The following WWOX variants were observed in gnomAD, a reference collection of about 807,000 sequenced individuals.
WWOX encodes WW domain-containing oxidoreductase.
Under a neutral mutation model 46.2 loss-of-function variants are expected in WWOX, and 69 were observed. That is an observed-to-expected ratio of 1.49 (90% CI 1.23 to 1.82). The LOEUF is 1.82. Ranked by LOEUF, WWOX falls within the 40% of genes most tolerant of loss-of-function variation. The pLI is 0.00. For synonymous variants in WWOX, 359 were observed against 202.6 expected (o/e 1.77, Z -6.56); for missense variants, 919 against 542.6 (o/e 1.69, Z -6.89).
At chr16:78,145,136 C>T (rs1322592074) in intron 4 of WWOX, among the ~76,000 whole-genome samples, 1 of 152,126 alleles carries the variant, frequency 6.6e-6, no homozygotes, top group Non-Finnish European at 1.5e-5. Context: ...TTGGTTCCTT[C>T]TGAGGACTGG....
At chr16:78,321,381 CGTATATATATACGT>C (rs1350557006) in intron 5 of WWOX, among the ~76,000 whole-genome samples, 8 of 68,830 alleles carry the variant, frequency 1.2e-4, no homozygotes, top group Admixed American at 4.7e-4. Context: ...CGTATATATG[CGTATATATATACGT>C]ATATATACGT....
At chr16:78,860,075 T>C (rs2151190619) in intron 8 of WWOX, among the ~76,000 whole-genome samples, 1 of 152,330 alleles carries the variant, frequency 6.6e-6, no homozygotes, top group Middle Eastern at 3.4e-3. Flanking sequence ...AGCCGCATAT[T>C]AGCATTATGC....
At chr16:78,310,098 C>G (rs1029104610) in intron 5 of WWOX, among the ~76,000 whole-genome samples, 22 of 151,886 alleles carry the variant, frequency 1.4e-4, no homozygotes, top group Admixed American at 1.4e-3. Flanking sequence ...TTTCTATCAT[C>G]ATCCATAGCT....
intron 8 of WWOX, among the ~76,000 whole-genome samples, chr16:78,790,987 C>G (rs1227400655): frequency 2.1e-5 from 3 of 141,842 alleles, no homozygotes; most frequent in Non-Finnish European, 4.5e-5. Context: ...CCATTGCACT[C>G]CACCCTGGGT....
chr16:78,237,442 C>G (rs2037478992), intron 5 of WWOX: 1 of 152,148 alleles, frequency 6.6e-6, no homozygotes, highest in Non-Finnish European at 1.5e-5. Context: ...ACTTGAACAT[C>G]AAAGGCAAGT....
chr16:79,143,611 T>C (rs2050131311), intron 8 of WWOX, among the ~76,000 whole-genome samples: 1 of 152,180 alleles, frequency 6.6e-6, no homozygotes. Flanking sequence ...ATTATGATAA[T>C]AATATTGACA....
intron 8 of WWOX, among the ~76,000 whole-genome samples, chr16:79,089,576 C>G (rs977159406): frequency 1.8e-4 from 28 of 152,088 alleles, no homozygotes; most frequent in African/African-American, 6.8e-4. Context: ...ATGATCTGCC[C>G]GCCTCAAAGT....
chr16:78,908,795 G>C (rs767797286), intron 8 of WWOX, among the ~76,000 whole-genome samples: 19 of 152,184 alleles, frequency 1.2e-4, no homozygotes, highest in Non-Finnish European at 2.5e-4. Context: ...TTATTGACCT[G>C]GGTGGTGCCA....
At chr16:78,926,300 G>A (rs1242235454) in intron 8 of WWOX, among the ~76,000 whole-genome samples, 1 of 152,040 alleles carries the variant, frequency 6.6e-6, no homozygotes, top group Admixed American at 6.6e-5. Context: ...CTGAGCCCAG[G>A]AGGTGGAGAT....
intron 8 of WWOX, among the ~76,000 whole-genome samples, chr16:78,577,202 C>T (rs1047902170): frequency 1.3e-5 from 2 of 152,106 alleles, no homozygotes; most frequent in African/African-American, 2.4e-5. Flanking sequence ...ATAACCAAGC[C>T]CAGCTTCAGA....
chr16:79,097,947 G>T (rs552147017), intron 8 of WWOX, among the ~76,000 whole-genome samples: 2 of 152,282 alleles, frequency 1.3e-5, no homozygotes, highest in South Asian at 4.1e-4. Flanking sequence ...GTCCTGCCGG[G>T]TGACTAAGGC....
rs149669378 is a variant in WWOX, at chr16:78,290,812, G to A, written c.517-96048G>A. Among the ~76,000 whole-genome samples, 635 of 152,224 alleles carry A rather than the reference G, an allele frequency of 4.2e-3. 5 individuals are homozygous for A. The highest frequency in any genetic ancestry group is 9.8e-3 in the South Asian group (47 of 4,814). ...GCTTTTACAGCAGTACAAATTGTAC[G>A]TATACAAATGGTATGACTAGGTTCT... On this transcript the variant is annotated intron_variant, in intron 5 of 8. Coordinates refer to ENST00000566780, the MANE Select transcript of WWOX (RefSeq NM_016373.4).
intron 8 of WWOX, among the ~76,000 whole-genome samples, chr16:79,080,649 A>T (rs1223998074): frequency 6.6e-6 from 1 of 152,138 alleles, no homozygotes; most frequent in East Asian, 1.9e-4. Flanking sequence ...AGTCATCTGT[A>T]TCCGGCATCG....
At chr16:78,555,060 T>C (rs1359064138) in intron 8 of WWOX, among the ~76,000 whole-genome samples, 1 of 151,756 alleles carries the variant, frequency 6.6e-6, no homozygotes, top group East Asian at 1.9e-4. Context: ...GTGGAGACAT[T>C]GGTGGGGGCC....
At chr16:78,139,954 C>T (rs538349521) in intron 4 of WWOX, among the ~76,000 whole-genome samples, 1 of 152,144 alleles carries the variant, frequency 6.6e-6, no homozygotes, top group East Asian at 1.9e-4. Context: ...CTTCTGACCC[C>T]GTTGGACAAG....
intron 8 of WWOX, among the ~76,000 whole-genome samples, chr16:79,108,504 G>T (rs773867190): frequency 9.9e-5 from 15 of 152,258 alleles, no homozygotes; most frequent in Non-Finnish European, 2.1e-4. Context: ...TGTCCAGGCT[G>T]AGCTGTGCAG....
rs951476670 is a variant in WWOX at position 78,929,559 on chromosome 16, C to G, written c.1057-282049C>G. On this transcript the variant is annotated intron_variant, in intron 8 of 8. Coordinates refer to ENST00000566780, the MANE Select transcript of WWOX (RefSeq NM_016373.4). The stretch of plus-strand genomic sequence containing the variant: ...CGAGTGAGATGGCCATACCTTCAGT[C>G]ATTCTCCTCCCCAAATATTTATTGA... Among the ~76,000 whole-genome samples the G allele has an allele frequency of 5.3e-4, 81 of 152,196 alleles. No individual in the cohort carries two copies. The Middle Eastern group carries it at 0.01, about 19-fold the overall frequency.
rs1188468805 is a variant in WWOX at position 78,338,002 on chromosome 16, T to A, written c.517-48858T>A. Among the ~76,000 whole-genome samples the A allele has an allele frequency of 1.7e-5, 2 of 119,970 alleles. 1 individual carries two copies. Among genetic ancestry groups the A allele is most frequent in the Non-Finnish European group, 4.0e-5 (2 of 50,394 alleles). The allele number at this position is 119,970 out of a possible 152,430, so 78.7% of individuals were successfully genotyped here. A position where few individuals can be genotyped will look rare whatever the true frequency, so the allele number is the denominator to read the frequency against. The stretch of plus-strand genomic sequence containing the variant: ...TCAGGTCACTTGGCAACCAAGCTGA[T>A]GAGGATAGCAGTTTCTTTTGTTCTT... On this transcript the variant is annotated intron_variant, in intron 5 of 8. Transcript: ENST00000566780.
At chr16:78,446,995 C>A (rs2083575595) in intron 8 of WWOX, among the ~76,000 whole-genome samples, 1 of 152,076 alleles carries the variant, frequency 6.6e-6, no homozygotes, top group Admixed American at 6.5e-5. Context: ...GTGCCCTGTG[C>A]TTTTCTTTGT....
Sources: allele counts gnomAD v4.1 joint callset (sites outside exome capture counted in the v4.1 genomes callset), GRCh38; gene constraint gnomAD v4.1.1; transcripts MANE v1.5; gene names NCBI Gene and HGNC (gene_info 2026-07-23, HGNC 2026-07-21).